The following YIPF1 variants were observed in gnomAD, a reference collection of about 807,000 sequenced individuals.
YIPF1 encodes the protein protein YIPF1.
Under a neutral mutation model 37.0 loss-of-function variants are expected in YIPF1, and 22 were observed. That is an observed-to-expected ratio of 0.59 (90% CI 0.42 to 0.85). The LOEUF (loss-of-function observed/expected upper bound fraction) is 0.85. Ranked by LOEUF, YIPF1 falls within the 40% of genes least tolerant of loss-of-function variation. YIPF1 has a pLI of 0.00. For missense variants in YIPF1, 355 were observed against 373.1 expected, an observed-to-expected ratio of 0.95 and a Z score of 0.40; for synonymous variants, 128 against 131.9, an observed-to-expected ratio of 0.97 and a Z score of 0.21.
At chr1:53,869,300 T>C (rs1398850206) in intron 7 of YIPF1, among the ~76,000 whole-genome samples, 1 of 151,810 alleles carries the variant, frequency 6.6e-6, no homozygotes, top group East Asian at 1.9e-4. Flanking sequence ...ACTGGATAAA[T>C]AATGGGATTG....
chr1:53,884,582 T>C (rs558513943), intron 3 of YIPF1, among the ~76,000 whole-genome samples: 1 of 152,110 alleles, frequency 6.6e-6, no homozygotes, highest in South Asian at 2.1e-4. Flanking sequence ...ACAAAAGGAG[T>C]GTCTGTGTAG....
At chr1:53,870,349 T>A (rs1650152942) in intron 7 of YIPF1, among the ~76,000 whole-genome samples, 1 of 151,000 alleles carries the variant, frequency 6.6e-6, no homozygotes, top group South Asian at 2.1e-4. Context: ...TTTTTTTAGT[T>A]TTTAGTTTTA....
In YIPF1 at chr1:53,888,969, A is replaced by G; in HGVS notation, c.-32T>C. 6.3e-7 allele frequency: 1 copy of G among 1,594,996 alleles called. No homozygotes were observed. Among genetic ancestry groups the G allele is most frequent in the South Asian group, 1.1e-5 (1 of 90,082 alleles). On this transcript the variant is annotated 5_prime_UTR_variant, in exon 3 of 11. Transcript: ENST00000072644. ...AGTGAGTCTTCTCCCAATTATGAGG[A>G]AGAAAATTTGCAGGGTTCTAAAAGA...
At chr1:53,867,367 CTTT>C (rs57424528) in intron 7 of YIPF1, among the ~76,000 whole-genome samples, 9 of 111,574 alleles carry the variant, frequency 8.1e-5, no homozygotes, top group Non-Finnish European at 1.1e-4. Context: ...CACTGACTTC[CTTT>C]TTTTTTTTTT....
intron 3 of YIPF1, chr1:53,886,823 A>G (rs1328136333): frequency 6.6e-6 from 1 of 152,006 alleles, no homozygotes; most frequent in Non-Finnish European, 1.5e-5. Context: ...ATGGCTGAGG[A>G]GGGTCTCTCT....
At chr1:53,860,635 T>C (rs988446839) in intron 9 of YIPF1, among the ~76,000 whole-genome samples, 1 of 152,364 alleles carries the variant, frequency 6.6e-6, no homozygotes, top group South Asian at 2.1e-4. Context: ...TGGCACAGTA[T>C]GTAACCAATC....
At chr1:53,860,600 G>A (rs912847552) in intron 9 of YIPF1, among the ~76,000 whole-genome samples, 2 of 152,142 alleles carry the variant, frequency 1.3e-5, no homozygotes, top group Non-Finnish European at 2.9e-5. Context: ...TCATCTTTGT[G>A]TCACCAGCAC....
In YIPF1 at chr1:53,866,291, C is replaced by A; in HGVS notation, c.740G>T (p.Trp247Leu). 1 of 1,614,080 alleles carries A rather than the reference C, an allele frequency of 6.2e-7. No homozygotes were observed. The highest frequency in any genetic ancestry group is 1.3e-5 in the African/African-American group (1 of 75,002). ...ISGSLLAMTF[W>L]PAVREDNRRV... is the part of the protein sequence containing the mutation. ...TCGGTTATCCTCACGAACAGCTGGCCAAAATGTCATTGCCAAGAGAGATCC... is the reference window on the plus strand; with the variant it reads ...TCGGTTATCCTCACGAACAGCTGGCAAAAATGTCATTGCCAAGAGAGATCC... The change falls in exon 9 of 11, where the codon TGG (tryptophan) becomes TTG (leucine). Residue 247 changes from tryptophan to leucine, a missense_variant. By Grantham distance (61) the Trp-to-Leu change is moderately conservative. Transcript: ENST00000072644.
At chr1:53,872,812 A>G (rs1650227895) in intron 6 of YIPF1, among the ~76,000 whole-genome samples, 2 of 152,194 alleles carry the variant, frequency 1.3e-5, no homozygotes, top group South Asian at 2.1e-4. Context: ...AAAGTCACCA[A>G]TATTAGCTCT....
In YIPF1 at chr1:53,872,541, C is replaced by G. The variant is rs1022954115; in HGVS notation, c.365-1053G>C. ...GAACACTATCCTTGTCTCTCCCCAT[C>G]TAGAAAAAGTACTATGTAGAACAAA... On this transcript the variant is annotated intron_variant, in intron 6 of 10. Transcript: ENST00000072644. 2.0e-5 allele frequency among the ~76,000 whole-genome samples: 3 copies of G among 152,260 alleles called. 1 individual carries two copies. The highest frequency in any genetic ancestry group is 1.5e-5 in the Non-Finnish European group (1 of 68,022).
intron 5 of YIPF1, 94 bp downstream of exon 5, chr1:53,878,548 G>GAA (rs1650396414): frequency 6.8e-7 from 1 of 1,470,212 alleles, no homozygotes; most frequent in African/African-American, 1.4e-5. Context: ...ACCATTTTCA[G>GAA]TATATAAAGG....
chr1:53,859,349 G>C (rs1256511950), intron 10 of YIPF1, among the ~76,000 whole-genome samples: 1 of 152,158 alleles, frequency 6.6e-6, no homozygotes, highest in Non-Finnish European at 1.5e-5. Context: ...AAGTGTAATG[G>C]GATCACCAGA....
chr1:53,861,683 A>AGGGGGGAAGGAAGGAAGGAAGG (rs1649883429), intron 9 of YIPF1, among the ~76,000 whole-genome samples: 1 of 108,846 alleles, frequency 9.2e-6, no homozygotes. Flanking sequence ...GAAGGAAGGG[A>AGGGGGGAAGGAAGGAAGGAAGG]GAGAGAGAGG....
intron 3 of YIPF1, among the ~76,000 whole-genome samples, chr1:53,886,395 T>C (rs1053733473): frequency 2.6e-5 from 4 of 152,010 alleles, no homozygotes; most frequent in Non-Finnish European, 5.9e-5. Flanking sequence ...ATGTGTCTTA[T>C]TTCTGCCACC....
At chr1:53,854,064 A>C (rs554057354) in intron 10 of YIPF1, among the ~76,000 whole-genome samples, 3 of 152,156 alleles carry the variant, frequency 2.0e-5, no homozygotes, top group African/African-American at 7.2e-5. Context: ...AGCCTGGCCA[A>C]CATGGCAAAA....
chr1:53,866,723 T>C, intron 8 of YIPF1, 35 bp downstream of exon 8: 2 of 1,585,596 alleles, frequency 1.3e-6, no homozygotes, highest in South Asian at 1.2e-5. Context: ...GAACAGAGCA[T>C]CACTCAGAAT....
rs562918912 is a variant in YIPF1 at position 53,873,295 on chromosome 1, G to T, written c.365-1807C>A. 5.9e-5 allele frequency among the ~76,000 whole-genome samples: 9 copies of T among 152,306 alleles called. No individual in the cohort carries two copies. In the South Asian group the frequency reaches 1.9e-3, roughly 32 times the overall value. On this transcript the variant is annotated intron_variant, in intron 6 of 10. Coordinates refer to ENST00000072644, the MANE Select transcript of YIPF1 (RefSeq NM_018982.5). ...AGGTGGAAAACCTAGAGAAAGGGAT[G>T]TGTAAGCTGGGATCTAAAGAAGAAC...
At chr1:53,869,329 T>TG (rs1354581487) in intron 7 of YIPF1, among the ~76,000 whole-genome samples, 13 of 147,148 alleles carry the variant, frequency 8.8e-5, no homozygotes, top group East Asian at 8.4e-4. Context: ...TGCACATATT[T>TG]TTGTGTGTGT....
In YIPF1 at chr1:53,866,922, A is replaced by T; in HGVS notation, c.484T>A (p.Ser162Thr). The T allele has an allele frequency of 1.2e-6, 2 of 1,609,446 alleles. No homozygotes were observed. The highest frequency in any genetic ancestry group is 1.7e-6 in the Non-Finnish European group (2 of 1,178,044). Reference sequence around the variant, plus strand: ...GCATAGATGATGGTAGCTGCTATGGACACTGAGGATGACAGGACACAAGTT... The same window carrying T: ...GCATAGATGATGGTAGCTGCTATGGTCACTGAGGATGACAGGACACAAGTT... The part of the protein sequence containing the change: ...YHYVPEFRKV[S>T]IAATIIYAYA... The change falls in exon 8 of 11, where the codon TCC becomes ACC. Residue 162 changes from serine (S) to threonine (T), a missense_variant and splice_region_variant. Physicochemically the swap from Ser to Thr is moderately conservative, Grantham distance 58. Coordinates refer to ENST00000072644, the MANE Select transcript of YIPF1 (RefSeq NM_018982.5).
Sources: allele counts gnomAD v4.1 joint callset (sites outside exome capture counted in the v4.1 genomes callset), GRCh38; gene constraint gnomAD v4.1.1; transcripts MANE v1.5; gene names NCBI Gene and HGNC (gene_info 2026-07-23, HGNC 2026-07-21).